Variants in MFHAS1 observed in about 807,000 individuals in gnomAD.
MFHAS1 encodes multifunctional ROCO family signaling regulator 1.
A neutral mutation model predicts 70.4 loss-of-function variants in MFHAS1; 50 were observed. The observed-to-expected ratio is 0.71, with a 90% CI of 0.57 to 0.90. The LOEUF is 0.90. Ranked by LOEUF, MFHAS1 falls within the 40% of genes least tolerant of loss-of-function variation. MFHAS1 has a pLI of 0.00. For synonymous variants in MFHAS1, 952 were observed against 620.0 expected, an observed-to-expected ratio of 1.54 and a Z score of -7.96; for missense variants, 1,795 against 1,347.6, an observed-to-expected ratio of 1.33 and a Z score of -5.20.
chr8:8,874,556 G>C (rs1194618969), intron 1 of MFHAS1, among the ~76,000 whole-genome samples: 1 of 152,110 alleles, frequency 6.6e-6, no homozygotes, highest in Non-Finnish European at 1.5e-5. Flanking sequence ...TTTTACAGAG[G>C]AGACAGTTTG....
chr8:8,873,673 G>C (rs1044376782), intron 1 of MFHAS1, among the ~76,000 whole-genome samples: 2 of 152,106 alleles, frequency 1.3e-5, no homozygotes, highest in African/African-American at 2.4e-5. Flanking sequence ...AAATACAACG[G>C]TGTGGAACTC....
chr8:8,856,676 C>G (rs1416046676), intron 1 of MFHAS1, among the ~76,000 whole-genome samples: 1 of 152,098 alleles, frequency 6.6e-6, no homozygotes, highest in Non-Finnish European at 1.5e-5. Flanking sequence ...TGAAATTGGT[C>G]TTTTATTCCT....
chr8:8,791,596 C>G (rs192813048), intron 2 of MFHAS1, among the ~76,000 whole-genome samples: 27 of 152,282 alleles, frequency 1.8e-4, no homozygotes, highest in Admixed American at 7.8e-4. Flanking sequence ...GAAGCTCACA[C>G]TCCCTGGGAA....
Position 8,845,014 on chromosome 8 carries a change from A to C in MFHAS1, c.2998+45047T>G, listed in dbSNP as rs529271645. 3.9e-5 allele frequency among the ~76,000 whole-genome samples: 6 copies of C among 152,348 alleles called. No homozygotes were observed. The South Asian group carries it at 1.0e-3, about 26-fold the overall frequency. On this transcript the variant is annotated intron_variant, in intron 1 of 2. Transcript: ENST00000276282. The stretch of plus-strand genomic sequence containing the variant: ...AAAAGAATTCATTTTTGTTGGAGTA[A>C]GAGGAAAACTAAGAAGACCTATAAA...
At chr8:8,788,687 A>T (rs1214585309) in intron 2 of MFHAS1, among the ~76,000 whole-genome samples, 1 of 152,272 alleles carries the variant, frequency 6.6e-6, no homozygotes, top group Non-Finnish European at 1.5e-5. Flanking sequence ...TCAAACAAAG[A>T]AACAAAAAGT....
intron 1 of MFHAS1, among the ~76,000 whole-genome samples, chr8:8,865,602 C>A (rs1808827469): frequency 6.6e-6 from 1 of 152,200 alleles, no homozygotes; most frequent in Non-Finnish European, 1.5e-5. Flanking sequence ...CAGAAAACTT[C>A]ATTTTAGAAA....
Position 8,891,922 on chromosome 8 carries a change from C to G in MFHAS1, c.1137G>C (p.Gln379His). 6.2e-7 allele frequency: 1 copy of G among 1,610,672 alleles called. No homozygotes were observed. Among genetic ancestry groups the G allele is most frequent in the Non-Finnish European group, 8.5e-7 (1 of 1,178,210 alleles). Residue 379 changes from glutamine (Q) to histidine (H), a missense_variant, in exon 1 of 3, where the codon CAG (glutamine) becomes CAC (histidine). Coordinates refer to ENST00000276282, the MANE Select transcript of MFHAS1 (RefSeq NM_004225.3). This position sits in a 1 kb window ranked among gnomAD's most constrained non-coding sequence, Gnocchi z 5.4. ...LWKIKDNPLI[Q>H]PPYEVCMKGI... ...CCTTCATGCAGACCTCGTAGGGGGGCTGGATCAGTGGGTTGTCTTTGATCT... is the reference window on the plus strand; with the variant it reads ...CCTTCATGCAGACCTCGTAGGGGGGGTGGATCAGTGGGTTGTCTTTGATCT...
At chr8:8,883,214 T>C (rs896876435) in intron 1 of MFHAS1, among the ~76,000 whole-genome samples, 3 of 152,090 alleles carry the variant, frequency 2.0e-5, no homozygotes, top group Non-Finnish European at 4.4e-5. Context: ...GACCTGAGCC[T>C]ACCTGATGTG....
chr8:8,793,466 G>C (rs1805787348), intron 2 of MFHAS1, among the ~76,000 whole-genome samples: 1 of 152,198 alleles, frequency 6.6e-6, no homozygotes, highest in African/African-American at 2.4e-5. Context: ...ATGAGATCCA[G>C]ATCAGCCACC....
intron 1 of MFHAS1, among the ~76,000 whole-genome samples, chr8:8,871,743 C>T (rs989022601): frequency 1.3e-5 from 2 of 152,170 alleles, no homozygotes; most frequent in African/African-American, 4.8e-5. Context: ...CTTCCTAATC[C>T]ACTGATTTAA....
chr8:8,852,625 C>T (rs1488176461), intron 1 of MFHAS1, among the ~76,000 whole-genome samples: 1 of 152,140 alleles, frequency 6.6e-6, no homozygotes, highest in Non-Finnish European at 1.5e-5. Context: ...ACACCATCGC[C>T]CTTCATTAAG....
Position 8,844,747 on chromosome 8 carries a change from T to C in MFHAS1, c.2998+45314A>G, listed in dbSNP as rs147411581. On this transcript the variant is annotated intron_variant, in intron 1 of 2. Transcript: ENST00000276282. ...ATTGGCATATTGGATTACTGACCAT[T>C]CCTCTTCCCCAACTTGATTTTCAAC... Among the ~76,000 whole-genome samples, 3 of 152,332 alleles carry C rather than the reference T, an allele frequency of 2.0e-5. No individual in the cohort carries two copies. The East Asian group carries it at 5.8e-4, about 29-fold the overall frequency.
chr8:8,829,406 C>T (rs1036828236), intron 1 of MFHAS1, among the ~76,000 whole-genome samples: 1 of 152,238 alleles, frequency 6.6e-6, no homozygotes. Flanking sequence ...ATCTGTCCAG[C>T]GCCATGGCCC....
At chr8:8,840,552 C>G (rs1807781582) in intron 1 of MFHAS1, among the ~76,000 whole-genome samples, 1 of 151,924 alleles carries the variant, frequency 6.6e-6, no homozygotes, top group East Asian at 1.9e-4. Context: ...TGGTGCCGGT[C>G]ATTCATGGAC....
intron 1 of MFHAS1, among the ~76,000 whole-genome samples, chr8:8,870,767 C>A (rs190677325): frequency 6.6e-6 from 1 of 152,308 alleles, no homozygotes; most frequent in African/African-American, 2.4e-5. Flanking sequence ...ACACTGCTTC[C>A]CTGGACTGCA....
chr8:8,857,052 T>C (rs1249395637), intron 1 of MFHAS1, among the ~76,000 whole-genome samples: 1 of 149,048 alleles, frequency 6.7e-6, no homozygotes, highest in Non-Finnish European at 1.5e-5. Context: ...AATTTTGTTT[T>C]GGAGGCAGTG....
At chr8:8,833,377 C>T (rs1807479883) in intron 1 of MFHAS1, among the ~76,000 whole-genome samples, 1 of 152,152 alleles carries the variant, frequency 6.6e-6, no homozygotes, top group African/African-American at 2.4e-5. Context: ...TGCCATAATC[C>T]TAACATATGG....
At chr8:8,855,890 C>T (rs1259770695) in intron 1 of MFHAS1, among the ~76,000 whole-genome samples, 1 of 152,032 alleles carries the variant, frequency 6.6e-6, no homozygotes. Context: ...TGCTTTCTGC[C>T]GTTATTTTCA....
At chr8:8,809,385 C>A (rs796068298) in intron 1 of MFHAS1, among the ~76,000 whole-genome samples, 4 of 152,232 alleles carry the variant, frequency 2.6e-5, no homozygotes, top group African/African-American at 9.6e-5. Flanking sequence ...ACACACCCTG[C>A]CCTTTGTTGC....
Sources: gnomAD v4.1 joint callset for allele counts (sites outside exome capture counted in the v4.1 genomes callset) on GRCh38, gnomAD v4.1.1 for gene constraint, Gnocchi (gnomAD v3.1) non-coding constraint, MANE v1.5 for transcripts, NCBI Gene and HGNC (gene_info 2026-07-23, HGNC 2026-07-21) for gene names.